ANK3: variants seen among roughly 807,000 people sequenced by gnomAD.
ANK3 encodes ankyrin-3.
ANK3 carries 57 observed loss-of-function variants against 370.9 expected under a neutral mutation model. That is an observed-to-expected ratio of 0.15 (90% CI 0.12 to 0.19). ANK3 has a LOEUF of 0.19. ANK3 is among the 10% of genes least tolerant of loss of function. The pLI, the probability that ANK3 is intolerant of heterozygous loss-of-function variation, is 1.00. For synonymous variants in ANK3, 1,929 were observed against 1,946.3 expected, an observed-to-expected ratio of 0.99 and a Z score of 0.23; for missense variants, 4,439 against 5,302.1, an observed-to-expected ratio of 0.84 and a Z score of 5.06.
chr10:60,529,035 A>C (rs1010241449), intron 2 of ANK3, among the ~76,000 whole-genome samples: 4 of 152,134 alleles, frequency 2.6e-5, no homozygotes, highest in Admixed American at 6.6e-5. Flanking sequence ...TGATGGGTTC[A>C]CCATTACCAT....
chr10:60,240,133 CATATATATACACATATATATACATATAT>C (rs1297494847), intron 7 of ANK3, among the ~76,000 whole-genome samples: 10 of 107,364 alleles, frequency 9.3e-5, no homozygotes, highest in Non-Finnish European at 1.6e-4. Flanking sequence ...CATATATATA[CATATATATACACATATATATACATATAT>C]ACACATATAT....
chr10:60,048,133 A>G (rs1363906591), intron 42 of ANK3, among the ~76,000 whole-genome samples: 3 of 152,246 alleles, frequency 2.0e-5, no homozygotes, highest in Non-Finnish European at 4.4e-5. Context: ...CTTAGCATAC[A>G]TACTGCTTCC....
intron 2 of ANK3, among the ~76,000 whole-genome samples, chr10:60,542,190 T>C (rs1470498594): frequency 1.3e-5 from 2 of 151,840 alleles, no homozygotes; most frequent in Non-Finnish European, 2.9e-5. Context: ...ACTCATTTGA[T>C]GGTACTTCCA....
chr10:60,534,666 T>G (rs1380894852), intron 2 of ANK3, among the ~76,000 whole-genome samples: 2 of 152,130 alleles, frequency 1.3e-5, no homozygotes, highest in African/African-American at 4.8e-5. Context: ...CAGTTCTACC[T>G]GAGAGTGTGA....
intron 1 of ANK3, among the ~76,000 whole-genome samples, chr10:60,688,580 A>T (rs979278178): frequency 5.9e-5 from 9 of 152,202 alleles, no homozygotes; most frequent in Admixed American, 5.9e-4. Context: ...CCATTTTGTG[A>T]ATATACCATA....
chr10:60,481,291 C>T (rs1433881442), intron 2 of ANK3, among the ~76,000 whole-genome samples: 2 of 152,176 alleles, frequency 1.3e-5, no homozygotes, highest in African/African-American at 4.8e-5. Flanking sequence ...TCCTACTGAA[C>T]GACTGGCACA....
chr10:60,051,408 C>G, intron 42 of ANK3: 2 of 757,626 alleles, frequency 2.6e-6, no homozygotes, highest in Non-Finnish European at 3.2e-6. Flanking sequence ...GAAGGAGTTT[C>G]TACAACCACA....
At chr10:60,410,081 G>C (rs551846885) in intron 2 of ANK3, among the ~76,000 whole-genome samples, 34 of 152,142 alleles carry the variant, frequency 2.2e-4, no homozygotes, top group African/African-American at 7.5e-4. Flanking sequence ...TTGATATTCT[G>C]ATTGAGTAAA....
chr10:60,497,635 G>A lies in ANK3; in HGVS notation c.96+117551C>T, dbSNP rs59084106. Among the ~76,000 whole-genome samples, 924 of 152,298 alleles carry A rather than the reference G, an allele frequency of 6.1e-3. 8 individuals are homozygous for A. The highest frequency in any genetic ancestry group is 0.021 in the African/African-American group (881 of 41,566). ...TCTCAAGATTCTTATAAGGAACAAA[G>A]AGAAGCATTCTTTGCTTGGTATTCT... On this transcript the variant is annotated intron_variant, in intron 2 of 43. Coordinates refer to the ANK3 transcript ENST00000373827.
chr10:60,655,844 C>T (rs1033063154), intron 1 of ANK3, among the ~76,000 whole-genome samples: 1 of 152,154 alleles, frequency 6.6e-6, no homozygotes, highest in African/African-American at 2.4e-5. Context: ...CTTTTAGACA[C>T]ATATTTTACC....
At chr10:60,620,648 C>A (rs1373306693) in intron 1 of ANK3, among the ~76,000 whole-genome samples, 1 of 152,126 alleles carries the variant, frequency 6.6e-6, no homozygotes, top group Non-Finnish European at 1.5e-5. Context: ...TTTATATTGA[C>A]CACTAGAATC....
At chr10:60,479,121 C>T (rs891459328) in intron 2 of ANK3, among the ~76,000 whole-genome samples, 7 of 152,000 alleles carry the variant, frequency 4.6e-5, no homozygotes, top group South Asian at 2.1e-4. Context: ...TCCTAGGAAT[C>T]GCTTGAAATT....
chr10:60,147,464 CA>C (rs1312913196), intron 23 of ANK3, among the ~76,000 whole-genome samples: 2 of 152,176 alleles, frequency 1.3e-5, no homozygotes, highest in Non-Finnish European at 2.9e-5. Flanking sequence ...GTCGTTCTTT[CA>C]AAACAGAAAA....
chr10:60,722,969 G>C (rs2079885727), intron 1 of ANK3, among the ~76,000 whole-genome samples: 1 of 152,098 alleles, frequency 6.6e-6, no homozygotes, highest in African/African-American at 2.4e-5. Context: ...TTTATAAATT[G>C]CCCAGTCTCA....
chr10:60,630,148 A>C (rs1024135252), intron 1 of ANK3, among the ~76,000 whole-genome samples: 16 of 152,262 alleles, frequency 1.1e-4, no homozygotes, highest in South Asian at 6.2e-4. Flanking sequence ...TCTGAGTGTC[A>C]GTTTCTTATC....
chr10:60,124,273 T>C (rs2132146481), intron 25 of ANK3, among the ~76,000 whole-genome samples: 1 of 152,296 alleles, frequency 6.6e-6, no homozygotes, highest in East Asian at 1.9e-4. Flanking sequence ...GCAATTCTCC[T>C]GCCTCAGCCT....
intron 2 of ANK3, among the ~76,000 whole-genome samples, chr10:60,539,863 T>C (rs559089232): frequency 6.6e-6 from 1 of 152,004 alleles, no homozygotes; most frequent in Admixed American, 6.6e-5. Context: ...GCAATGAATA[T>C]GATAGATACG....
At chr10:60,218,970 T>C (rs1565766192) in intron 8 of ANK3, among the ~76,000 whole-genome samples, 1 of 152,118 alleles carries the variant, frequency 6.6e-6, no homozygotes, top group Non-Finnish European at 1.5e-5. Flanking sequence ...GGAGGCTTTG[T>C]TCATTCCTTT....
intron 27 of ANK3, among the ~76,000 whole-genome samples, chr10:60,107,995 G>A (rs1171129784): frequency 4.6e-5 from 7 of 151,934 alleles, no homozygotes; most frequent in East Asian, 1.9e-4. Context: ...GATAGGTAGC[G>A]GTGCTACATT....
Sources: gnomAD v4.1 joint callset for allele counts (sites outside exome capture counted in the v4.1 genomes callset) on GRCh38, gnomAD v4.1.1 for gene constraint, MANE v1.5 for transcripts, NCBI Gene and HGNC (gene_info 2026-07-23, HGNC 2026-07-21) for gene names.